PAK5: variants seen among roughly 807,000 people sequenced by gnomAD.
PAK5 encodes the protein serine/threonine-protein kinase PAK 5.
PAK5 carries 16 observed loss-of-function variants against 65.9 expected under a neutral mutation model. The observed-to-expected ratio is 0.24, with a 90% confidence interval of 0.16 to 0.37. The LOEUF is 0.37. Among genes scored for constraint, PAK5 ranks in the 10% least tolerant of loss-of-function variants. PAK5 has a pLI of 1.00. For synonymous variants in PAK5, 371 were observed against 354.9 expected (o/e 1.05, Z -0.51); for missense variants, 785 against 903.9 (o/e 0.87, Z 1.69).
chr20:9,721,356 C>T (rs2048210550), intron 1 of PAK5, among the ~76,000 whole-genome samples: 1 of 151,900 alleles, frequency 6.6e-6, no homozygotes, highest in South Asian at 2.1e-4. Context: ...TATATAGGAG[C>T]AAGAATGTTG....
At position 9,580,848 on chromosome 20, in the gene PAK5, C is replaced by T. The variant is rs559966028; in HGVS notation, c.287G>A (p.Arg96His). The change falls in exon 4 of 10, where the codon CGC (arginine) becomes CAC (histidine). Residue 96 changes from arginine (R) to histidine (H), a missense_variant. Physicochemically the swap from Arg to His is conservative, Grantham distance 29. Coordinates refer to ENST00000353224, the MANE Select transcript of PAK5 (RefSeq NM_177990.4). ...GCTTTCTTTCCTTAGGGAGTTGGAG[C>T]GAGTCACCGAGATGTTGTCAAAATC... The part of the protein sequence containing the change: ...LEDFDNISVT[R>H]SNSLRKESPP... 13 of 1,613,180 alleles carry T rather than the reference C, an allele frequency of 8.1e-6. No homozygotes were observed. Among genetic ancestry groups the T allele is most frequent in the African/African-American group, 2.7e-5 (2 of 74,826 alleles).
At chr20:9,564,689 A>T (rs574636634) in intron 5 of PAK5, among the ~76,000 whole-genome samples, 13 of 152,246 alleles carry the variant, frequency 8.5e-5, no homozygotes, top group African/African-American at 3.1e-4. Context: ...ACTTCTAGGA[A>T]TCTAATAAAT....
At chr20:9,547,846 T>G (rs2045368028) in intron 7 of PAK5, among the ~76,000 whole-genome samples, 4 of 152,192 alleles carry the variant, frequency 2.6e-5, no homozygotes, top group Admixed American at 2.6e-4. Flanking sequence ...AGTTTCCACT[T>G]TAACAAGAGC....
intron 4 of PAK5, among the ~76,000 whole-genome samples, chr20:9,573,364 T>TTGTGATG (rs2045825947): frequency 6.6e-6 from 1 of 152,168 alleles, no homozygotes; most frequent in African/African-American, 2.4e-5. Flanking sequence ...TGTATCAAAA[T>TTGTGATG]TATAAATAAT....
intron 1 of PAK5, among the ~76,000 whole-genome samples, chr20:9,717,875 C>T (rs1051596934): frequency 6.6e-6 from 1 of 152,216 alleles, no homozygotes; most frequent in African/African-American, 2.4e-5. Flanking sequence ...CCGCCTCGGC[C>T]TCCCAAAGTG....
chr20:9,807,762 A>AAATAATCATAATAAT (rs2049250553), intron 1 of PAK5, among the ~76,000 whole-genome samples: 1 of 142,326 alleles, frequency 7.0e-6, no homozygotes, highest in African/African-American at 2.6e-5. Context: ...AGCAAAAAAT[A>AAATAATCATAATAAT]AATAATAATA....
At chr20:9,820,410 C>T (rs1206715104) in intron 1 of PAK5, among the ~76,000 whole-genome samples, 1 of 152,114 alleles carries the variant, frequency 6.6e-6, no homozygotes, top group Non-Finnish European at 1.5e-5. Flanking sequence ...TGTTTTTACT[C>T]ACTGTGTCCA....
At chr20:9,700,614 G>A (rs1388553764) in intron 2 of PAK5, among the ~76,000 whole-genome samples, 1 of 152,140 alleles carries the variant, frequency 6.6e-6, no homozygotes, top group Admixed American at 6.5e-5. Flanking sequence ...AGCTTTAGAT[G>A]ATAAAGTATC....
Position 9,617,951 on chromosome 20 carries a change from T to C in PAK5, c.204+26174A>G, listed in dbSNP as rs566426662. Reference sequence around the variant, plus strand: ...AGGTTTGTTGTCAAAGCATCAAAGATACCTTTAAGCCTCTAAATTGTGTCC... The same window carrying C: ...AGGTTTGTTGTCAAAGCATCAAAGACACCTTTAAGCCTCTAAATTGTGTCC... On this transcript the variant is annotated intron_variant, in intron 3 of 9. Coordinates refer to ENST00000353224, the MANE Select transcript of PAK5 (RefSeq NM_177990.4). Among the ~76,000 whole-genome samples, 4 of 152,346 alleles carry C rather than the reference T, an allele frequency of 2.6e-5. 1 individual carries two copies. The South Asian group carries it at 8.3e-4, about 32-fold the overall frequency.
chr20:9,621,753 G>A (rs2046772402), intron 3 of PAK5, among the ~76,000 whole-genome samples: 1 of 152,222 alleles, frequency 6.6e-6, no homozygotes, highest in Non-Finnish European at 1.5e-5. Context: ...GTTATCCAGA[G>A]AGTGCTCACA....
chr20:9,568,042 C>CA (rs1228601529), intron 4 of PAK5, among the ~76,000 whole-genome samples: 1 of 152,106 alleles, frequency 6.6e-6, no homozygotes, highest in Non-Finnish European at 1.5e-5. Flanking sequence ...AGCAGACGCT[C>CA]AGCTATAGTG....
rs762365457 is a variant in PAK5 at position 9,566,236 on chromosome 20, G to C, written c.1139C>G (p.Ala380Gly). The change falls in exon 5 of 10, where the codon GCC becomes GGC. Residue 380 changes from alanine to glycine, a missense_variant. Coordinates refer to ENST00000353224, the MANE Select transcript of PAK5 (RefSeq NM_177990.4). The part of the protein sequence containing the change: ...SHQYPSGYHK[A>G]TLYHHPSLQS... ...CAGGGAGGGGTGATGGTACAAGGTG[G>C]CTTTGTGGTACCCAGACGGGTACTG... 5.0e-6 allele frequency: 8 copies of C among 1,613,804 alleles called. No individual in the cohort carries two copies. In the East Asian group the frequency reaches 1.3e-4, roughly 27 times the overall value.
chr20:9,550,682 CTG>C (rs1202893447), intron 7 of PAK5, among the ~76,000 whole-genome samples: 1 of 151,880 alleles, frequency 6.6e-6, no homozygotes, highest in Non-Finnish European at 1.5e-5. Context: ...CAGTAGGACT[CTG>C]TGAAGAAGTC....
chr20:9,808,956 A>T lies in PAK5; in HGVS notation c.-162+29806T>A, dbSNP rs111693267. On this transcript the variant is annotated intron_variant, in intron 1 of 9. Transcript: ENST00000353224. ...ACAGAAGGTAATGCAATCTGGGGAGAAGTATACAGGAATCAACTAGTATAT... is the reference window on the plus strand; with the variant it reads ...ACAGAAGGTAATGCAATCTGGGGAGTAGTATACAGGAATCAACTAGTATAT... 7.9e-5 allele frequency among the ~76,000 whole-genome samples: 12 copies of T among 152,238 alleles called. 1 individual carries two copies. The highest frequency in any genetic ancestry group is 2.6e-4 in the African/African-American group (11 of 41,534).
intron 2 of PAK5, among the ~76,000 whole-genome samples, chr20:9,674,833 A>G (rs1409915249): frequency 6.6e-6 from 1 of 152,078 alleles, no homozygotes; most frequent in African/African-American, 2.4e-5. Flanking sequence ...GGGAGCTTGT[A>G]CCCCATGTCA....
At chr20:9,650,421 T>A (rs1167892365) in intron 2 of PAK5, among the ~76,000 whole-genome samples, 1 of 152,186 alleles carries the variant, frequency 6.6e-6, no homozygotes, top group East Asian at 1.9e-4. Context: ...TTACAGGCAA[T>A]TTGTAGGTGG....
intron 2 of PAK5, among the ~76,000 whole-genome samples, chr20:9,690,750 C>CTTTCT (rs1298213630): frequency 1.3e-4 from 13 of 103,952 alleles, no homozygotes; most frequent in African/African-American, 3.9e-4. Flanking sequence ...TTCTTTCTTT[C>CTTTCT]TTTTTTTTTT....
At chr20:9,617,843 CGA>C (rs1241096935) in intron 3 of PAK5, among the ~76,000 whole-genome samples, 2 of 152,024 alleles carry the variant, frequency 1.3e-5, no homozygotes, top group African/African-American at 4.8e-5. Context: ...GCGTGAGCCA[CGA>C]CGCCCGGCAA....
At chr20:9,628,472 A>G (rs958349884) in intron 3 of PAK5, among the ~76,000 whole-genome samples, 1 of 152,190 alleles carries the variant, frequency 6.6e-6, no homozygotes, top group African/African-American at 2.4e-5. Flanking sequence ...TACATCTCCA[A>G]ATTTTGTAGG....
Sources: gnomAD v4.1 joint callset for allele counts (sites outside exome capture counted in the v4.1 genomes callset) on GRCh38, gnomAD v4.1.1 for gene constraint, MANE v1.5 for transcripts, NCBI Gene and HGNC (gene_info 2026-07-23, HGNC 2026-07-21) for gene names.